The following ACSF2 variants were observed in gnomAD, a reference collection of about 807,000 sequenced individuals.
The protein encoded by ACSF2 is acyl-CoA synthetase family member 2, also known as medium-chain acyl-CoA ligase ACSF2, mitochondrial.
In ACSF2, 52 loss-of-function variants were observed where a neutral mutation model predicts 79.3. The observed-to-expected ratio is 0.66, with a 90% CI of 0.53 to 0.83. The LOEUF (loss-of-function observed/expected upper bound fraction) is 0.83, where lower values mean the gene tolerates loss of function less well. Among genes scored for constraint, ACSF2 ranks in the 40% least tolerant of loss-of-function variants. The pLI is 0.00. For synonymous variants in ACSF2, 283 were observed against 312.6 expected, an observed-to-expected ratio of 0.91 and a Z score of 1.00; for missense variants, 661 against 803.3, an observed-to-expected ratio of 0.82 and a Z score of 2.14.
intron 10 of ACSF2, among the ~76,000 whole-genome samples, chr17:50,467,101 GC>G (rs1459431962): frequency 2.3e-4 from 35 of 152,216 alleles, no homozygotes; most frequent in African/African-American, 8.2e-4. Context: ...CCTGGCTGAA[GC>G]CCCTGTACCA....
chr17:50,461,285 A>G lies in ACSF2; in HGVS notation c.368A>G (p.Lys123Arg), dbSNP rs778945898. The part of the protein sequence containing the change: ...ASGLLSIGLC[K>R]GDRLGMWGPN... ...GGCCTCCTGAGCATTGGCCTCTGCAAAGGTGACCGGCTGGGCATGTGGGGA... is the reference window on the plus strand; with the variant it reads ...GGCCTCCTGAGCATTGGCCTCTGCAGAGGTGACCGGCTGGGCATGTGGGGA... The change falls in exon 3 of 16, where the codon AAA becomes AGA. Residue 123 changes from lysine (K) to arginine (R), a missense_variant. Physicochemically the swap from Lys to Arg is conservative, Grantham distance 26. Coordinates refer to ENST00000300441, the MANE Select transcript of ACSF2 (RefSeq NM_025149.6). The G allele has an allele frequency of 6.2e-6, 10 of 1,614,078 alleles. No homozygotes were observed.
intron 1 of ACSF2, among the ~76,000 whole-genome samples, chr17:50,449,010 C>CTTTTT (rs1157696530): frequency 6.9e-5 from 7 of 101,222 alleles, no homozygotes; most frequent in Non-Finnish European, 7.8e-5. Flanking sequence ...AATATGTAGT[C>CTTTTT]TTTTTTTTTT....
chr17:50,460,053 C>T, intron 1 of ACSF2: 1 of 347,370 alleles, frequency 2.9e-6, no homozygotes, highest in East Asian at 8.1e-5. Flanking sequence ...TAGGGGCTTT[C>T]TTCTTCATCT....
chr17:50,428,968 G>A (rs549818198), intron 1 of ACSF2, among the ~76,000 whole-genome samples: 2 of 152,330 alleles, frequency 1.3e-5, no homozygotes, highest in South Asian at 2.1e-4. Context: ...AGCACTATTC[G>A]GTGTTGCAAG....
chr17:50,464,399 C>A, intron 10 of ACSF2, 105 bp downstream of exon 10: 1 of 1,146,540 alleles, frequency 8.7e-7, no homozygotes, highest in Non-Finnish European at 1.3e-6. Flanking sequence ...AGGAGACCCT[C>A]TCAGCCAGCC....
In ACSF2 at chr17:50,426,320, T is replaced by C; in HGVS notation, c.59T>C (p.Val20Ala). The C allele has an allele frequency of 1.4e-6, 2 of 1,417,624 alleles. No homozygotes were observed. The highest frequency in any genetic ancestry group is 1.9e-6 in the Non-Finnish European group (2 of 1,079,298). 87.8% of individuals were successfully genotyped at this position (1,417,624 alleles called of 1,614,324 possible). ...LGRLCAGSSG[V>A]LGARAALSRS... ...AGGCTGTGCGCCGGGAGCTCGGGGG[T>C]GCTGGGGGCCCGGGCCGCCCTCTCT... Residue 20 changes from valine to alanine, a missense_variant, in exon 1 of 16, where the codon GTG becomes GCG. Coordinates refer to ENST00000300441, the MANE Select transcript of ACSF2 (RefSeq NM_025149.6).
intron 10 of ACSF2, among the ~76,000 whole-genome samples, chr17:50,466,943 C>G (rs553722363): frequency 5.3e-5 from 8 of 152,300 alleles, no homozygotes; most frequent in African/African-American, 1.7e-4. Context: ...TGAGCAGGCT[C>G]CTTCCACCCA....
chr17:50,444,575 T>A (rs1037936434), intron 1 of ACSF2, among the ~76,000 whole-genome samples: 1 of 150,936 alleles, frequency 6.6e-6, no homozygotes, highest in East Asian at 1.9e-4. Context: ...AAAAGAAATA[T>A]CAGCTGCTAA....
At chr17:50,457,572 T>G (rs2032089104) in intron 1 of ACSF2, among the ~76,000 whole-genome samples, 1 of 152,188 alleles carries the variant, frequency 6.6e-6, no homozygotes, top group Admixed American at 6.5e-5. Flanking sequence ...AGTTGAGATG[T>G]GAGGAGTGTG....
intron 1 of ACSF2, among the ~76,000 whole-genome samples, chr17:50,429,452 C>CAGT (rs984618947): frequency 1.4e-4 from 21 of 152,094 alleles, no homozygotes; most frequent in Middle Eastern, 3.4e-3. Flanking sequence ...GCTACATGTC[C>CAGT]AGTCCTTGGG....
chr17:50,440,211 G>T (rs1351357240), intron 1 of ACSF2, among the ~76,000 whole-genome samples: 1 of 151,372 alleles, frequency 6.6e-6, no homozygotes, highest in African/African-American at 2.4e-5. Flanking sequence ...AGCCTCACTG[G>T]TGGCTAGCTA....
chr17:50,464,486 G>A, intron 10 of ACSF2, 192 bp downstream of exon 10: 2 of 702,352 alleles, frequency 2.8e-6, no homozygotes, highest in Admixed American at 2.0e-5. Flanking sequence ...ATAGGTGGCA[G>A]GGGAGTAAAT....
chr17:50,462,163 T>C, intron 4 of ACSF2, 21 bp from the exon 5 acceptor site: 1 of 1,608,878 alleles, frequency 6.2e-7, no homozygotes, highest in Non-Finnish European at 8.5e-7. Flanking sequence ...TGACTGGAGG[T>C]GGGGGACTCC....
At chr17:50,449,546 A>C (rs2031530966) in intron 1 of ACSF2, among the ~76,000 whole-genome samples, 1 of 150,688 alleles carries the variant, frequency 6.6e-6, no homozygotes, top group South Asian at 2.1e-4. Context: ...CTGGGACTAC[A>C]GGCGCCCGCC....
rs1914976331 is a variant in ACSF2 at position 50,426,358 on chromosome 17, G to T, written c.97G>T (p.Glu33Ter). The change falls in exon 1 of 16, where the codon GAA (glutamate) becomes TAA (stop). Residue 33 changes from glutamate to a stop codon, truncating the protein, a stop_gained. Transcript: ENST00000300441. LOFTEE classifies it high-confidence loss of function. ...ARAALSRSWQ[E>*]ARLQGVRFLS... is the part of the protein sequence containing the mutation. Reference sequence around the variant, plus strand: ...GGCCGCCCTCTCTCGGAGTTGGCAGGAAGCCAGGTTGCAGGGTGTCCGCTT... The same window carrying T: ...GGCCGCCCTCTCTCGGAGTTGGCAGTAAGCCAGGTTGCAGGGTGTCCGCTT... The T allele has an allele frequency of 7.0e-7, 1 of 1,421,792 alleles. No individual in the cohort carries two copies. The allele number at this position is 1,421,792 out of a possible 1,614,324, so 88.1% of individuals were successfully genotyped here.
chr17:50,460,267 G>A (rs1311593866), intron 1 of ACSF2: 3 of 459,916 alleles, frequency 6.5e-6, no homozygotes, highest in African/African-American at 4.0e-5. Context: ...TCAAGCCCAG[G>A]GTCCAGGCAC....
At chr17:50,427,219 T>C (rs1915076011) in intron 1 of ACSF2, among the ~76,000 whole-genome samples, 1 of 152,210 alleles carries the variant, frequency 6.6e-6, no homozygotes, top group African/African-American at 2.4e-5. Flanking sequence ...GGTGTGGGCC[T>C]GGACATGGAA....
intron 1 of ACSF2, among the ~76,000 whole-genome samples, chr17:50,429,434 T>C (rs1915321078): frequency 6.6e-6 from 1 of 152,096 alleles, no homozygotes; most frequent in Non-Finnish European, 1.5e-5. Context: ...GATGGTGACT[T>C]CCACCCAGCT....
At chr17:50,457,405 C>G (rs77255426) in intron 1 of ACSF2, among the ~76,000 whole-genome samples, 8,816 of 152,286 alleles carry the variant, frequency 0.058, 837 homozygotes, top group African/African-American at 0.2. Context: ...GAGGGACATG[C>G]AGCATCTTCC....
Sources: gnomAD v4.1 joint callset for allele counts (sites outside exome capture counted in the v4.1 genomes callset) on GRCh38, gnomAD v4.1.1 for gene constraint, MANE v1.5 for transcripts, NCBI Gene and HGNC (gene_info 2026-07-23, HGNC 2026-07-21) for gene names.